The following PCMTD1 variants were observed in gnomAD, a reference collection of about 807,000 sequenced individuals.
PCMTD1 encodes protein-L-isoaspartate (D-aspartate) O-methyltransferase domain containing 1.
In PCMTD1, 12 loss-of-function variants were observed where a neutral mutation model predicts 37.6. That is an observed-to-expected ratio of 0.32 (90% CI 0.20 to 0.52). The LOEUF is 0.52. Ranked by LOEUF, PCMTD1 falls within the 20% of genes least tolerant of loss-of-function variation. The pLI is 0.97. For missense variants in PCMTD1, 235 were observed against 421.3 expected, an observed-to-expected ratio of 0.56 and a Z score of 3.87; for synonymous variants, 117 against 135.8, an observed-to-expected ratio of 0.86 and a Z score of 0.96.
At chr8:51,892,317 T>G (rs2038947679) in intron 1 of PCMTD1, among the ~76,000 whole-genome samples, 1 of 152,170 alleles carries the variant, frequency 6.6e-6, no homozygotes, top group South Asian at 2.1e-4. Context: ...ACTGAACTGC[T>G]AACACATGCA....
upstream of PCMTD1, chr8:51,899,059 C>G (rs1386429184): frequency 1.3e-6 from 2 of 1,503,938 alleles, no homozygotes; most frequent in South Asian, 2.5e-5. Context: ...CCCGGACCCG[C>G]GACTGGAGCA....
intron 1 of PCMTD1, among the ~76,000 whole-genome samples, chr8:51,869,273 T>C (rs1052685476): frequency 6.6e-6 from 1 of 152,178 alleles, no homozygotes; most frequent in African/African-American, 2.4e-5. Flanking sequence ...CATCAGTGTC[T>C]GCCATTTGTT....
chr8:51,886,516 T>TA (rs2038866480), intron 1 of PCMTD1, among the ~76,000 whole-genome samples: 1 of 152,136 alleles, frequency 6.6e-6, no homozygotes, highest in Admixed American at 6.5e-5. Flanking sequence ...CTGCCCAGTA[T>TA]ACAACTTTTA....
Position 51,831,439 on chromosome 8 carries a change from C to T in PCMTD1, c.706+5G>A. 1 of 1,611,978 alleles carries T rather than the reference C, an allele frequency of 6.2e-7. No individual in the cohort carries two copies. Among genetic ancestry groups the T allele is most frequent in the East Asian group, 2.2e-5 (1 of 44,820 alleles). ...TTCAATCAGAAAATATGAAGAGCTACTTACGGAGTCCCACAGAATCTGGTT... is the reference window on the plus strand; with the variant it reads ...TTCAATCAGAAAATATGAAGAGCTATTTACGGAGTCCCACAGAATCTGGTT... On this transcript the variant is annotated splice_donor_5th_base_variant and intron_variant, in intron 5 of 5. Coordinates refer to ENST00000522514, the MANE Select transcript of PCMTD1 (RefSeq NM_052937.4).
intron 2 of PCMTD1, among the ~76,000 whole-genome samples, chr8:51,859,166 T>A (rs1363278729): frequency 6.6e-6 from 1 of 151,906 alleles, no homozygotes; most frequent in African/African-American, 2.4e-5. Flanking sequence ...TGGCCAAACA[T>A]GGTATAAGGC....
intron 1 of PCMTD1, among the ~76,000 whole-genome samples, chr8:51,887,092 C>A (rs1215228760): frequency 6.6e-6 from 1 of 152,026 alleles, no homozygotes; most frequent in Non-Finnish European, 1.5e-5. Flanking sequence ...TTTTAAGGAC[C>A]CTTATGATTA....
At chr8:51,891,994 A>C (rs1268101982) in intron 1 of PCMTD1, among the ~76,000 whole-genome samples, 1 of 152,200 alleles carries the variant, frequency 6.6e-6, no homozygotes, top group Non-Finnish European at 1.5e-5. Flanking sequence ...TTTATACATA[A>C]GTCTGAAAGC....
At chr8:51,869,129 T>C (rs2038602705) in intron 1 of PCMTD1, among the ~76,000 whole-genome samples, 1 of 152,182 alleles carries the variant, frequency 6.6e-6, no homozygotes. Context: ...ATAATTGATG[T>C]ACACTTGAGA....
At chr8:51,839,338 A>G (rs979669762) in intron 3 of PCMTD1, 16 of 490,258 alleles carry the variant, frequency 3.3e-5, no homozygotes, top group Non-Finnish European at 4.2e-5. Context: ...CATACTCTTA[A>G]TAAAATGTAC....
chr8:51,895,050 T>C lies in PCMTD1; in HGVS notation c.-96+3880A>G, dbSNP rs185231143. Among the ~76,000 whole-genome samples, 54 of 152,308 alleles carry C rather than the reference T, an allele frequency of 3.5e-4. No homozygotes were observed. In the East Asian group the frequency reaches 8.5e-3, roughly 24 times the overall value. ...GGCTGATGATACACAAGTGGAAGCCTGAGCAAAGAGGGTGAGGGGAATGAG... is the reference window on the plus strand; with the variant it reads ...GGCTGATGATACACAAGTGGAAGCCCGAGCAAAGAGGGTGAGGGGAATGAG... On this transcript the variant is annotated intron_variant, in intron 1 of 5. Coordinates refer to ENST00000522514, the MANE Select transcript of PCMTD1 (RefSeq NM_052937.4).
At chr8:51,836,770 T>C (rs1337268749) in intron 3 of PCMTD1, among the ~76,000 whole-genome samples, 2 of 152,140 alleles carry the variant, frequency 1.3e-5, no homozygotes, top group Non-Finnish European at 2.9e-5. Flanking sequence ...CACAGAGTCT[T>C]GCTGTGTTGC....
At chr8:51,883,493 TTTC>T (rs1198606508) in intron 1 of PCMTD1, among the ~76,000 whole-genome samples, 30 of 152,060 alleles carry the variant, frequency 2.0e-4, no homozygotes, top group East Asian at 5.8e-4. Context: ...TTCAACAGAT[TTTC>T]TTCTTAATTA....
chr8:51,838,369 G>A (rs2038097803), intron 3 of PCMTD1, among the ~76,000 whole-genome samples: 1 of 151,710 alleles, frequency 6.6e-6, no homozygotes, highest in Non-Finnish European at 1.5e-5. Flanking sequence ...CGCGCCTATA[G>A]TCCCAGCTAC....
chr8:51,869,271 T>C (rs566086057), intron 1 of PCMTD1, among the ~76,000 whole-genome samples: 1 of 152,280 alleles, frequency 6.6e-6, no homozygotes, highest in African/African-American at 2.4e-5. Flanking sequence ...GTCATCAGTG[T>C]CTGCCATTTG....
Position 51,842,437 on chromosome 8 carries a change from C to T in PCMTD1, c.410+3224G>A, listed in dbSNP as rs1303775472. On this transcript the variant is annotated intron_variant, in intron 3 of 5. Coordinates refer to ENST00000522514, the MANE Select transcript of PCMTD1 (RefSeq NM_052937.4). ...CCTCTGCATCCTCCCACCTCAGCCT[C>T]CCAAGTAGTTGGGAATACAGGTATG... Among the ~76,000 whole-genome samples, 4 of 152,000 alleles carry T rather than the reference C, an allele frequency of 2.6e-5. No individual in the cohort carries two copies. The East Asian group carries it at 7.7e-4, about 29-fold the overall frequency.
chr8:51,834,878 G>C (rs1452263560), intron 3 of PCMTD1, among the ~76,000 whole-genome samples: 1 of 152,124 alleles, frequency 6.6e-6, no homozygotes, highest in Non-Finnish European at 1.5e-5. Context: ...GGTGGGAAGG[G>C]TCAAGGGTGT....
intron 1 of PCMTD1, among the ~76,000 whole-genome samples, chr8:51,861,859 C>A (rs1271453286): frequency 6.6e-6 from 1 of 152,000 alleles, no homozygotes; most frequent in Non-Finnish European, 1.5e-5. Context: ...ATTACAGGTG[C>A]ATGCCACCAC....
At chr8:51,895,507 A>G (rs185958038) in intron 1 of PCMTD1, among the ~76,000 whole-genome samples, 3 of 152,344 alleles carry the variant, frequency 2.0e-5, no homozygotes, top group South Asian at 4.1e-4. Flanking sequence ...ATCAAGACAT[A>G]AAGTTGAGTT....
chr8:51,893,617 C>T (rs193237429), intron 1 of PCMTD1, among the ~76,000 whole-genome samples: 11 of 152,174 alleles, frequency 7.2e-5, no homozygotes, highest in Non-Finnish European at 1.3e-4. Flanking sequence ...AATTCAAATA[C>T]TAAATCATTA....
Sources: gnomAD v4.1 joint callset for allele counts (sites outside exome capture counted in the v4.1 genomes callset) on GRCh38, gnomAD v4.1.1 for gene constraint, MANE v1.5 for transcripts, NCBI Gene and HGNC (gene_info 2026-07-23, HGNC 2026-07-21) for gene names.